OR2L3: variants seen among roughly 807,000 people sequenced by gnomAD.
The protein encoded by OR2L3 is olfactory receptor 2L3.
For missense variants in OR2L3, 369 were observed against 376.6 expected (o/e 0.98, Z 0.17); for synonymous variants, 131 against 139.1 (o/e 0.94, Z 0.41).
rs752303338 is a variant in OR2L3 at position 248,061,584 on chromosome 1, A to G, written c.903A>G (p.Thr301=). The stretch of plus-strand genomic sequence containing the variant: ...ACAAGGAGGTGATGGGGGCCCTGAC[A>G]CGAGTGAGTCAGAGAATCTGCTCTG... ...LRNKEVMGAL[T]RVSQRICSGK... Residue 301 remains threonine (T), a synonymous_variant, in exon 2 of 2, where the codon ACA becomes ACG. Transcript: ENST00000359959. 118 of 1,613,174 alleles carry G rather than the reference A, an allele frequency of 7.3e-5. No homozygotes were observed. Among genetic ancestry groups the G allele is most frequent in the Non-Finnish European group, 9.9e-5 (117 of 1,179,636 alleles).
At chr1:248,060,575 C>A in intron 1 of OR2L3, 86 bp from the exon 2 acceptor site, 2 of 863,454 alleles carry the variant, frequency 2.3e-6, no homozygotes, top group Non-Finnish European at 3.7e-6. Flanking sequence ...ACTCCAGTCT[C>A]AAGAATTTAC....
At position 248,060,672 on chromosome 1, in the gene OR2L3, C is replaced by T. The variant is rs772884502; in HGVS notation, c.-10C>T. 29 of 1,601,836 alleles carry T rather than the reference C, an allele frequency of 1.8e-5. No homozygotes were observed. The highest frequency in any genetic ancestry group is 1.7e-4 in the Middle Eastern group (1 of 6,032). Reference sequence around the variant, plus strand: ...GTGTCTCCCTTCAGGAAAGAGCACACGAATGCCCCATGGAAAATTACAATC... The same window carrying T: ...GTGTCTCCCTTCAGGAAAGAGCACATGAATGCCCCATGGAAAATTACAATC... On this transcript the variant is annotated 5_prime_UTR_variant, in exon 2 of 2. The change creates a new upstream start codon in the 5' untranslated region. Transcript: ENST00000359959.
rs369404583 is a variant in OR2L3 at position 248,052,189 on chromosome 1, A to T, written c.-22+5309A>T. On this transcript the variant is annotated intron_variant, in intron 1 of 1. Transcript: ENST00000359959. ...GCATTTAGGATTTTTATTCATTTTG[A>T]CTTAATTTTTCAATATGGTATAAAC... 1.8e-4 allele frequency among the ~76,000 whole-genome samples: 28 copies of T among 152,190 alleles called. 1 individual carries two copies. In the East Asian group the frequency reaches 5.2e-3, roughly 28 times the overall value.
At chr1:248,050,765 AG>A (rs1224384004) in intron 1 of OR2L3, among the ~76,000 whole-genome samples, 2 of 152,200 alleles carry the variant, frequency 1.3e-5, no homozygotes, top group Non-Finnish European at 2.9e-5. Context: ...TAATTATACT[AG>A]TAATATAAAT....
At chr1:248,058,226 C>G (rs138327788) in intron 1 of OR2L3, among the ~76,000 whole-genome samples, 1 of 152,202 alleles carries the variant, frequency 6.6e-6, no homozygotes, top group East Asian at 1.9e-4. Context: ...ACCCCAAAGG[C>G]AAGGACTTCA....
chr1:248,056,462 T>A (rs921152077), intron 1 of OR2L3, among the ~76,000 whole-genome samples: 7 of 152,158 alleles, frequency 4.6e-5, no homozygotes, highest in African/African-American at 1.7e-4. Context: ...CGATGTGAGA[T>A]CTTTCTAGCT....
chr1:248,058,377 C>T (rs929915411), intron 1 of OR2L3, among the ~76,000 whole-genome samples: 11 of 152,190 alleles, frequency 7.2e-5, no homozygotes, highest in African/African-American at 2.7e-4. Flanking sequence ...CTGCTCCCTC[C>T]TCCGTCATCA....
At chr1:248,051,345 C>T (rs1004073167) in intron 1 of OR2L3, 4 of 152,088 alleles carry the variant, frequency 2.6e-5, no homozygotes, top group South Asian at 2.1e-4. Flanking sequence ...AAAATTTCTT[C>T]GCTTTTAAAA....
intron 1 of OR2L3, among the ~76,000 whole-genome samples, chr1:248,059,389 C>T (rs2103123712): frequency 6.6e-6 from 1 of 152,210 alleles, no homozygotes; most frequent in South Asian, 2.1e-4. Context: ...ATTGAATTTT[C>T]CTCAAAATTC....
chr1:248,047,595 T>C (rs1663119820), intron 1 of OR2L3, among the ~76,000 whole-genome samples: 1 of 152,174 alleles, frequency 6.6e-6, no homozygotes, highest in South Asian at 2.1e-4. Context: ...ATTGTAGTGT[T>C]TTGTGCTTTT....
intron 1 of OR2L3, 108 bp from the exon 2 acceptor site, chr1:248,060,553 G>A (rs1175036275): frequency 4.2e-6 from 3 of 713,740 alleles, no homozygotes; most frequent in Non-Finnish European, 4.9e-6. Flanking sequence ...GTGTATATAG[G>A]GCTCAGTGTC....
chr1:248,050,782 A>G (rs1309458628), intron 1 of OR2L3, among the ~76,000 whole-genome samples: 1 of 152,200 alleles, frequency 6.6e-6, no homozygotes, highest in Admixed American at 6.5e-5. Context: ...TAAATTACGG[A>G]GTATTGGATT....
chr1:248,049,561 C>T (rs926348818), intron 1 of OR2L3, among the ~76,000 whole-genome samples: 12 of 152,066 alleles, frequency 7.9e-5, no homozygotes, highest in Admixed American at 5.2e-4. Flanking sequence ...AACCATTTTT[C>T]TGTGAAGCTA....
chr1:248,047,980 T>C (rs544819037), intron 1 of OR2L3, among the ~76,000 whole-genome samples: 1 of 152,326 alleles, frequency 6.6e-6, no homozygotes, highest in South Asian at 2.1e-4. Flanking sequence ...AAAGCTTACA[T>C]TTTTAGTAAT....
chr1:248,049,671 C>G (rs1429367234), intron 1 of OR2L3, among the ~76,000 whole-genome samples: 1 of 152,052 alleles, frequency 6.6e-6, no homozygotes. Context: ...TTAAAAAATC[C>G]TACTTGTTTT....
rs570126403 is a variant in OR2L3, at chr1:248,057,035, G to T, written c.-21-3626G>T. Among the ~76,000 whole-genome samples the T allele has an allele frequency of 8.3e-4, 127 of 152,188 alleles. 1 individual carries two copies. Among genetic ancestry groups the T allele is most frequent in the African/African-American group, 2.9e-3 (122 of 41,556 alleles). ...TTATGATTTCAGTTCTTTTGTATTT[G>T]CTGAGGAGAGTTTTACTTCCAATTA... On this transcript the variant is annotated intron_variant, in intron 1 of 1. Coordinates refer to ENST00000359959, the MANE Select transcript of OR2L3 (RefSeq NM_001004687.2).
chr1:248,057,179 A>G (rs1663461352), intron 1 of OR2L3, among the ~76,000 whole-genome samples: 1 of 152,118 alleles, frequency 6.6e-6, no homozygotes. Context: ...GCTGAGTTCA[A>G]GTCCTGAATA....
At chr1:248,054,246 T>A (rs539151201) in intron 1 of OR2L3, among the ~76,000 whole-genome samples, 26 of 152,280 alleles carry the variant, frequency 1.7e-4, no homozygotes, top group Admixed American at 5.2e-4. Context: ...TTTTTCCAGT[T>A]TGTTGAAGAT....
At position 248,058,380 on chromosome 1, in the gene OR2L3, C is replaced by T. The variant is rs193226886; in HGVS notation, c.-21-2281C>T. On this transcript the variant is annotated intron_variant, in intron 1 of 1. Transcript: ENST00000359959. ...CATGGATAGTAACTGCTCCCTCCTCCGTCATCACCCCCAGGTTCCTTACAC... is the reference window on the plus strand; with the variant it reads ...CATGGATAGTAACTGCTCCCTCCTCTGTCATCACCCCCAGGTTCCTTACAC... Among the ~76,000 whole-genome samples the T allele has an allele frequency of 3.9e-5, 6 of 152,262 alleles. No homozygotes were observed. The East Asian group carries it at 9.6e-4, about 24-fold the overall frequency.
Sources: gnomAD v4.1 joint callset for allele counts (sites outside exome capture counted in the v4.1 genomes callset) on GRCh38, gnomAD v4.1.1 for gene constraint, MANE v1.5 for transcripts, NCBI Gene and HGNC (gene_info 2026-07-23, HGNC 2026-07-21) for gene names.